HEPH: variants seen among roughly 807,000 people sequenced by gnomAD.
The protein encoded by HEPH is hephaestin.
HEPH carries 69 observed loss-of-function variants against 80.8 expected under a neutral mutation model. That is an observed-to-expected ratio of 0.85 (90% CI 0.70 to 1.04). The LOEUF (loss-of-function observed/expected upper bound fraction) is 1.04, where lower values mean the gene tolerates loss of function less well. HEPH is among the 50% of genes least tolerant of loss of function. HEPH has a pLI of 0.00. For synonymous variants in HEPH, 431 were observed against 322.8 expected, an observed-to-expected ratio of 1.34 and a Z score of -3.60; for missense variants, 1,115 against 891.3, an observed-to-expected ratio of 1.25 and a Z score of -3.20.
chrX:66,172,577 C>G lies in HEPH; in HGVS notation c.390C>G (p.Val130=), dbSNP rs2086635756. 2 of 1,171,733 alleles carry G rather than the reference C, an allele frequency of 1.7e-6. No individual in the cohort carries two copies. Among genetic ancestry groups the G allele is most frequent in the Non-Finnish European group, 2.3e-6 (2 of 874,340 alleles). The change falls in exon 3 of 21, where the codon GTC becomes GTG. Residue 130 remains valine (V), a synonymous_variant. Transcript: ENST00000343002. ...CCTATACCATCCACCCTCATGGTGT[C>G]TTCTACGAGAAGGACTCTGAAGGTA... The part of the protein sequence containing the change: ...TRPYTIHPHG[V]FYEKDSEGSL...
At chrX:66,259,694 G>T (rs1163606556) in intron 18 of HEPH, among the ~76,000 whole-genome samples, 1 of 106,537 alleles carries the variant, frequency 9.4e-6, no homozygotes, top group Non-Finnish European at 1.9e-5. Flanking sequence ...GTTCATTGGA[G>T]ATATGAATAA....
intron 15 of HEPH, among the ~76,000 whole-genome samples, chrX:66,238,506 C>T (rs1171059073): frequency 9.0e-6 from 1 of 111,155 alleles, no homozygotes; most frequent in East Asian, 2.8e-4. Flanking sequence ...GATCATGCCA[C>T]TGCACTCCAG....
intron 1 of HEPH, among the ~76,000 whole-genome samples, chrX:66,169,479 G>A (rs1263322862): frequency 1.8e-5 from 2 of 111,459 alleles, no homozygotes; most frequent in Admixed American, 1.9e-4. Context: ...GTCCCAGGAA[G>A]TCTAACGTCC....
rs952361676 is a variant in HEPH, at chrX:66,164,416, A to G, written c.-68A>G. ...CTGGCGGACTCAGGCTGGGGTCTGC[A>G]GTGCAGCATTAATGGGCCGCTGACA... On this transcript the variant is annotated 5_prime_UTR_variant, in exon 1 of 21. Coordinates refer to ENST00000343002, the MANE Select transcript of HEPH (RefSeq NM_001367233.3). The G allele has an allele frequency of 6.7e-6, 5 of 751,269 alleles. No homozygotes were observed. In the East Asian group the frequency reaches 7.6e-4, roughly 114 times the overall value. The allele number at this position is 751,269 out of a possible 1,213,427, so 61.9% of individuals were successfully genotyped here.
intron 4 of HEPH, among the ~76,000 whole-genome samples, chrX:66,182,199 A>G (rs1326979620): frequency 3.1e-5 from 2 of 64,955 alleles, no homozygotes; most frequent in African/African-American, 1.2e-4. Flanking sequence ...TTTTGGTTCC[A>G]TATGAACTTT....
At chrX:66,204,334 A>C (rs1337154519) in intron 13 of HEPH, among the ~76,000 whole-genome samples, 1 of 112,401 alleles carries the variant, frequency 8.9e-6, no homozygotes, top group Non-Finnish European at 1.9e-5. Context: ...CTAAAAAAGA[A>C]GGAGAGAACG....
At chrX:66,213,742 A>G (rs2089263189) in intron 15 of HEPH, among the ~76,000 whole-genome samples, 1 of 111,923 alleles carries the variant, frequency 8.9e-6, no homozygotes, top group Non-Finnish European at 1.9e-5. Context: ...TATTATAAAG[A>G]TGAAGTTACA....
chrX:66,202,557 A>C (rs1366132852), intron 12 of HEPH, among the ~76,000 whole-genome samples: 3 of 111,573 alleles, frequency 2.7e-5, no homozygotes, highest in African/African-American at 9.8e-5. Context: ...TTACCTGCAC[A>C]TTCCATTGTA....
intron 4 of HEPH, among the ~76,000 whole-genome samples, chrX:66,177,044 A>AGAATGGC (rs2086840670): frequency 1.8e-5 from 2 of 111,239 alleles, no homozygotes; most frequent in African/African-American, 6.6e-5. Context: ...TACAGAATGG[A>AGAATGGC]AGAAAATTTT....
intron 15 of HEPH, 107 bp from the exon 16 acceptor site, chrX:66,254,928 G>A: frequency 7.0e-6 from 3 of 426,596 alleles, no homozygotes; most frequent in Non-Finnish European, 1.2e-5. Flanking sequence ...GATGAAGAAA[G>A]ATCCTAAAGA....
At chrX:66,204,685 G>A (rs1448151569) in intron 13 of HEPH, among the ~76,000 whole-genome samples, 4 of 111,433 alleles carry the variant, frequency 3.6e-5, no homozygotes, top group African/African-American at 9.8e-5. Flanking sequence ...ACTAATTTAA[G>A]CCACAATTGA....
Position 66,192,115 on chromosome X carries a change from A to G in HEPH, c.1064-15A>G. Reference sequence around the variant, plus strand: ...ATTGGATAGAATGGGGTCAGCCATAATGTTCTTCCTTCAGATGGCATGCAG... The same window carrying G: ...ATTGGATAGAATGGGGTCAGCCATAGTGTTCTTCCTTCAGATGGCATGCAG... On this transcript the variant is annotated splice_polypyrimidine_tract_variant and intron_variant, in intron 6 of 20. Transcript: ENST00000343002. The G allele has an allele frequency of 1.7e-6, 2 of 1,199,357 alleles. No individual in the cohort carries two copies. Among genetic ancestry groups the G allele is most frequent in the Non-Finnish European group, 2.3e-6 (2 of 887,583 alleles).
chrX:66,213,012 A>T (rs1472432975), intron 15 of HEPH, among the ~76,000 whole-genome samples: 1 of 107,784 alleles, frequency 9.3e-6, no homozygotes, highest in African/African-American at 3.3e-5. Context: ...GTTTTTTTTA[A>T]ATTAATTTAT....
chrX:66,236,426 G>T (rs1428502343), intron 15 of HEPH, among the ~76,000 whole-genome samples: 1 of 111,711 alleles, frequency 9.0e-6, no homozygotes, highest in Admixed American at 9.5e-5. Flanking sequence ...TTATTGATGT[G>T]CATATGTTGA....
intron 17 of HEPH, among the ~76,000 whole-genome samples, chrX:66,257,212 G>A (rs1309480281): frequency 8.9e-6 from 1 of 112,056 alleles, no homozygotes; most frequent in East Asian, 2.8e-4. Context: ...TGTCAAATCA[G>A]AGAAATGGTC....
At chrX:66,219,277 A>G (rs1032867129) in intron 15 of HEPH, among the ~76,000 whole-genome samples, 1 of 111,960 alleles carries the variant, frequency 8.9e-6, no homozygotes, top group African/African-American at 3.2e-5. Flanking sequence ...CTTTCCAAAC[A>G]TGGCCCCAGG....
chrX:66,169,903 C>T (rs1214582137), intron 1 of HEPH: 1 of 111,567 alleles, frequency 9.0e-6, no homozygotes, highest in Non-Finnish European at 1.9e-5. Flanking sequence ...ACAATATGTA[C>T]TCTTTTGTGT....
chrX:66,266,548 C>A lies in HEPH; in HGVS notation c.3353C>A (p.Thr1118Asn), dbSNP rs1405201032. The change falls in exon 21 of 21, where the codon ACC becomes AAC. Residue 1118 changes from threonine (T) to asparagine (N), a missense_variant. Physicochemically the swap from Thr to Asn is moderately conservative, Grantham distance 65. Around this residue, in one of 3 missense-constraint regions of HEPH, gnomAD observed 716 missense variants for 523.5 expected, o/e 1.37. Transcript: ENST00000343002. The stretch of plus-strand genomic sequence containing the variant: ...TCTGTTTTGGTTGCCATTAGTGTCA[C>A]CCTTCTGCTCGTTGTTCTGGCTCTT... ...LASVLVAISV[T>N]LLLVVLALGG... The A allele has an allele frequency of 8.3e-7, 1 of 1,209,426 alleles. No homozygotes were observed. The highest frequency in any genetic ancestry group is 1.1e-6 in the Non-Finnish European group (1 of 894,042).
At chrX:66,265,558 T>G (rs1272020555) in intron 20 of HEPH, among the ~76,000 whole-genome samples, 1 of 110,817 alleles carries the variant, frequency 9.0e-6, no homozygotes, top group African/African-American at 3.3e-5. Flanking sequence ...ACACAATAAG[T>G]TAATTATGGG....
Sources: gnomAD v4.1 joint callset for allele counts (sites outside exome capture counted in the v4.1 genomes callset) on GRCh38, gnomAD v4.1.1 for gene constraint, gnomAD v4.1.1 regional missense constraint, MANE v1.5 for transcripts, NCBI Gene and HGNC (gene_info 2026-07-23, HGNC 2026-07-21) for gene names.